SGIP1: variants seen among roughly 807,000 people sequenced by gnomAD.
The protein encoded by SGIP1 is SH3GL interacting endocytic adaptor 1.
A neutral mutation model predicts 107.5 loss-of-function variants in SGIP1; 38 were observed. That is an observed-to-expected ratio of 0.35 (90% CI 0.27 to 0.46). The LOEUF (loss-of-function observed/expected upper bound fraction) is 0.46. Ranked by LOEUF, SGIP1 falls within the 20% of genes least tolerant of loss-of-function variation. The pLI, the probability that SGIP1 is intolerant of heterozygous loss-of-function variation, is 1.00. For synonymous variants in SGIP1, 365 were observed against 366.1 expected (o/e 1.00, Z 0.03); for missense variants, 929 against 1,019.5 (o/e 0.91, Z 1.21).
rs543324538 is a variant in SGIP1, at chr1:66,541,787, G to A, written c.10+7419G>A. 5.3e-5 allele frequency among the ~76,000 whole-genome samples: 8 copies of A among 152,246 alleles called. No individual in the cohort carries two copies. In the East Asian group the frequency reaches 1.2e-3, roughly 22 times the overall value. ...CATTGTCAAAGATTATGTGACATTT[G>A]CACATGCTTAAAAGTTTTAAAAATG... On this transcript the variant is annotated intron_variant, in intron 1 of 24. Coordinates refer to ENST00000371037, the MANE Select transcript of SGIP1 (RefSeq NM_032291.4).
intron 15 of SGIP1, among the ~76,000 whole-genome samples, chr1:66,684,981 A>G (rs1240677770): frequency 2.0e-5 from 3 of 152,228 alleles, no homozygotes; most frequent in Non-Finnish European, 4.4e-5. Context: ...GTTTGTGAAT[A>G]AATAAAACTC....
chr1:66,679,703 T>G lies in SGIP1; in HGVS notation c.765T>G (p.Asn255Lys). The G allele has an allele frequency of 6.2e-7, 1 of 1,606,954 alleles. No individual in the cohort carries two copies. Among genetic ancestry groups the G allele is most frequent in the Non-Finnish European group, 8.5e-7 (1 of 1,178,238 alleles). Residue 255 changes from asparagine to lysine, a missense_variant, in exon 14 of 25, where the codon AAT (asparagine) becomes AAG (lysine). Physicochemically the swap from Asn to Lys is moderately conservative, Grantham distance 94. Coordinates refer to ENST00000371037, the MANE Select transcript of SGIP1 (RefSeq NM_032291.4). The stretch of plus-strand genomic sequence containing the variant: ...CACCTCCACCACTGCCTCCAAAAAA[T>G]GTACCAGCTACCCCACCCCGAACAG... Reference protein sequence around the residue: ...TGTPPPLPPKNVPATPPRTGS... With the variant: ...TGTPPPLPPKKVPATPPRTGS...
chr1:66,714,005 T>C (rs1224175728), intron 18 of SGIP1, among the ~76,000 whole-genome samples: 1 of 152,128 alleles, frequency 6.6e-6, no homozygotes, highest in Non-Finnish European at 1.5e-5. Context: ...CCTTTGTTTC[T>C]GCCTAAAAAC....
intron 1 of SGIP1, among the ~76,000 whole-genome samples, chr1:66,585,830 G>A (rs1160685481): frequency 6.6e-6 from 1 of 152,072 alleles, no homozygotes; most frequent in Non-Finnish European, 1.5e-5. Flanking sequence ...TGAATACCAA[G>A]TTCCATGCTT....
Position 66,677,081 on chromosome 1 carries a change from C to A in SGIP1, c.724C>A (p.Pro242Thr), listed in dbSNP as rs570718750. The A allele has an allele frequency of 1.2e-6, 2 of 1,613,690 alleles. No individual in the cohort carries two copies. The highest frequency in any genetic ancestry group is 1.7e-6 in the Non-Finnish European group (2 of 1,179,804). The change falls in exon 13 of 25, where the codon CCT becomes ACT. Residue 242 changes from proline to threonine, a missense_variant. Around this residue, in one of 2 missense-constraint regions of SGIP1, gnomAD observed 588 missense variants for 588.6 expected, o/e 1.00. Transcript: ENST00000371037. ...CATGGAGTCGCCAAAGTTAACAAGG[C>A]CTTTTCCCACTGGAAGTAAGTTATG... ...PSMESPKLTRPFPTGTPPPLP... is the reference protein window; with the variant it reads ...PSMESPKLTRTFPTGTPPPLP...
At chr1:66,677,946 A>T (rs1490845595) in intron 13 of SGIP1, among the ~76,000 whole-genome samples, 2 of 152,192 alleles carry the variant, frequency 1.3e-5, no homozygotes, top group East Asian at 3.8e-4. Flanking sequence ...CCTAAAGGTG[A>T]TCATGAGAAT....
At chr1:66,688,757 T>C (rs1276992721) in intron 15 of SGIP1, among the ~76,000 whole-genome samples, 1 of 152,212 alleles carries the variant, frequency 6.6e-6, no homozygotes, top group African/African-American at 2.4e-5. Context: ...ACCTCCATTT[T>C]CATCTTGGAC....
chr1:66,662,151 A>C (rs551248016), intron 8 of SGIP1, among the ~76,000 whole-genome samples: 1 of 152,360 alleles, frequency 6.6e-6, no homozygotes, highest in African/African-American at 2.4e-5. Context: ...GCATTTAAAA[A>C]ACAAATAGGA....
chr1:66,663,415 G>A (rs2081931156), intron 8 of SGIP1, among the ~76,000 whole-genome samples: 1 of 151,976 alleles, frequency 6.6e-6, no homozygotes, highest in African/African-American at 2.4e-5. Context: ...TGGGAGAAAG[G>A]GTAAAGTAAA....
chr1:66,534,327 C>T lies in SGIP1; in HGVS notation c.-32C>T. On this transcript the variant is annotated 5_prime_UTR_variant, in exon 1 of 25. Transcript: ENST00000371037. Reference sequence around the variant, plus strand: ...GTATCCTCCTGTGTTTTTTCAGACTCCTTGGAAATTAAGGAATGCAATTCT... The same window carrying T: ...GTATCCTCCTGTGTTTTTTCAGACTTCTTGGAAATTAAGGAATGCAATTCT... The T allele has an allele frequency of 6.2e-7, 1 of 1,613,742 alleles. No individual in the cohort carries two copies. Among genetic ancestry groups the T allele is most frequent in the East Asian group, 2.2e-5 (1 of 44,884 alleles).
chr1:66,680,276 A>G (rs2086381136), intron 14 of SGIP1, among the ~76,000 whole-genome samples: 1 of 152,252 alleles, frequency 6.6e-6, no homozygotes, highest in African/African-American at 2.4e-5. Flanking sequence ...ATTATGAAAT[A>G]TGGCAAGGAA....
chr1:66,733,113 C>T (rs903718911), intron 20 of SGIP1, among the ~76,000 whole-genome samples: 5 of 152,174 alleles, frequency 3.3e-5, no homozygotes, highest in Admixed American at 2.6e-4. Context: ...CTTATAGAGA[C>T]TCTGCTCTTC....
rs1325283310 is a variant in SGIP1 at position 66,639,767 on chromosome 1, T to A, written c.172-10T>A. ...TTTTCCTTCTAAATTCATTTTCAAATTTATTACAGAAGAAAAGCAATGGGG... is the reference window on the plus strand; with the variant it reads ...TTTTCCTTCTAAATTCATTTTCAAAATTATTACAGAAGAAAAGCAATGGGG... On this transcript the variant is annotated splice_polypyrimidine_tract_variant and intron_variant, in intron 4 of 24. Transcript: ENST00000371037. 2 of 1,606,572 alleles carry A rather than the reference T, an allele frequency of 1.2e-6. No individual in the cohort carries two copies. Among genetic ancestry groups the A allele is most frequent in the South Asian group, 2.2e-5 (2 of 90,296 alleles).
intron 7 of SGIP1, among the ~76,000 whole-genome samples, chr1:66,648,466 C>T (rs1348729810): frequency 6.6e-6 from 1 of 152,202 alleles, no homozygotes; most frequent in African/African-American, 2.4e-5. Flanking sequence ...CACCACCCTC[C>T]AGTTTTACAA....
intron 13 of SGIP1, 142 bp from the exon 14 acceptor site, chr1:66,679,536 T>C: frequency 1.2e-6 from 1 of 853,282 alleles, no homozygotes; most frequent in African/African-American, 1.8e-5. Context: ...GGCTTTGAAC[T>C]TCAAAGAAGT....
intron 18 of SGIP1, among the ~76,000 whole-genome samples, chr1:66,714,257 CA>C (rs376975280): frequency 2.6e-5 from 4 of 152,070 alleles, no homozygotes; most frequent in African/African-American, 9.7e-5. Context: ...TGTCCCTTGA[CA>C]TACAGATGGT....
intron 1 of SGIP1, among the ~76,000 whole-genome samples, chr1:66,602,438 T>G (rs139568426): frequency 1.3e-5 from 2 of 152,252 alleles, no homozygotes; most frequent in East Asian, 3.9e-4. Context: ...ATGGGTAATT[T>G]CTGATTTGGG....
At chr1:66,694,416 G>T in intron 17 of SGIP1, 1 of 1,599,792 alleles carries the variant, frequency 6.3e-7, no homozygotes. Flanking sequence ...TTTTCCATTC[G>T]TTTATGTTTC....
intron 12 of SGIP1, 45 bp downstream of exon 12, chr1:66,673,411 ATT>A (rs1163974804): frequency 2.0e-6 from 3 of 1,478,842 alleles, no homozygotes; most frequent in Non-Finnish European, 1.8e-6. Flanking sequence ...TTTTTCTTTT[ATT>A]AAAGTACAAC....
Sources: allele counts gnomAD v4.1 joint callset (sites outside exome capture counted in the v4.1 genomes callset), GRCh38; gene constraint gnomAD v4.1.1; regional missense constraint gnomAD v4.1.1; transcripts MANE v1.5; gene names NCBI Gene and HGNC (gene_info 2026-07-23, HGNC 2026-07-21).